The following ADAMTS6 variants were observed in gnomAD, a reference collection of about 807,000 sequenced individuals.
ADAMTS6 encodes the protein A disintegrin and metalloproteinase with thrombospondin motifs 6.
A neutral mutation model predicts 144.3 loss-of-function variants in ADAMTS6; 23 were observed. The ratio of observed to expected loss-of-function variants is 0.16; its 90% CI spans 0.11 to 0.23. The LOEUF (loss-of-function observed/expected upper bound fraction) is 0.23. Among genes scored for constraint, ADAMTS6 ranks in the 10% least tolerant of loss-of-function variants. The pLI is 1.00. For missense variants in ADAMTS6, 999 were observed against 1,379.6 expected (o/e 0.72, Z 4.37); for synonymous variants, 444 against 457.5 (o/e 0.97, Z 0.38).
chr5:65,479,890 C>A (rs1761086455), intron 1 of ADAMTS6, among the ~76,000 whole-genome samples: 1 of 152,136 alleles, frequency 6.6e-6, no homozygotes, highest in African/African-American at 2.4e-5. Context: ...GCAGCTGTGG[C>A]AAATGAATGA....
chr5:65,269,660 TAGTA>T (rs1561355628), intron 12 of ADAMTS6, among the ~76,000 whole-genome samples: 1 of 152,198 alleles, frequency 6.6e-6, no homozygotes, highest in African/African-American at 2.4e-5. Flanking sequence ...AATTTAGGGC[TAGTA>T]AGTCTTATTT....
At chr5:65,237,062 A>C (rs1260614565) in intron 15 of ADAMTS6, among the ~76,000 whole-genome samples, 1 of 152,062 alleles carries the variant, frequency 6.6e-6, no homozygotes, top group Non-Finnish European at 1.5e-5. Flanking sequence ...ACTGGACCAC[A>C]TGGATATAAC....
chr5:65,294,905 T>G (rs1194865229), intron 10 of ADAMTS6, among the ~76,000 whole-genome samples: 2 of 152,082 alleles, frequency 1.3e-5, no homozygotes, highest in Non-Finnish European at 2.9e-5. Context: ...TTAATAATTT[T>G]ACTGTCTAAT....
rs377162148 is a variant in ADAMTS6, at chr5:65,291,438, G to A, written c.1403C>T (p.Pro468Leu). 6.2e-7 allele frequency: 1 copy of A among 1,613,800 alleles called. No homozygotes were observed. Among genetic ancestry groups the A allele is most frequent in the African/African-American group, 1.3e-5 (1 of 75,010 alleles). The change falls in exon 11 of 25, where the codon CCT becomes CTT. Residue 468 changes from proline (P) to leucine (L), a missense_variant. Physicochemically the swap from Pro to Leu is moderately conservative, Grantham distance 98 (BLOSUM62 -3). This residue lies in a region of ADAMTS6 where 619 missense variants were observed against 837.0 expected (regional missense o/e 0.74). Coordinates refer to ENST00000381055, the MANE Select transcript of ADAMTS6 (RefSeq NM_197941.4). ...SGRGTCLDNE[P>L]PKRDFLYPAV... ...TGGATAAAGAAAGTCACGCTTGGGA[G>A]GCTCATTATCAAGGCAAGTACCACG...
intron 7 of ADAMTS6, among the ~76,000 whole-genome samples, chr5:65,429,656 G>A (rs1756841817): frequency 6.6e-6 from 1 of 151,990 alleles, no homozygotes; most frequent in Non-Finnish European, 1.5e-5. Context: ...ATATGATATT[G>A]TTTACCATCA....
intron 7 of ADAMTS6, among the ~76,000 whole-genome samples, chr5:65,350,930 G>C (rs1182958456): frequency 6.6e-6 from 1 of 152,150 alleles, no homozygotes; most frequent in Non-Finnish European, 1.5e-5. Context: ...TTACAAGTGT[G>C]AGCCACTGAA....
At chr5:65,388,534 G>C (rs1752658593) in intron 7 of ADAMTS6, among the ~76,000 whole-genome samples, 1 of 152,166 alleles carries the variant, frequency 6.6e-6, no homozygotes, top group Non-Finnish European at 1.5e-5. Flanking sequence ...TGCGTGACCT[G>C]ATGCAAGTTA....
intron 7 of ADAMTS6, among the ~76,000 whole-genome samples, chr5:65,376,094 C>T (rs911647515): frequency 2.0e-5 from 3 of 151,144 alleles, no homozygotes; most frequent in Admixed American, 1.3e-4. Context: ...GGGAACATCA[C>T]ACTCTGGGGC....
At chr5:65,205,340 G>C (rs1366500833) in intron 20 of ADAMTS6, among the ~76,000 whole-genome samples, 1 of 152,128 alleles carries the variant, frequency 6.6e-6, no homozygotes, top group East Asian at 1.9e-4. Context: ...ACCTCTTAGT[G>C]ATATTAAATG....
chr5:65,186,996 A>G (rs1754713416), intron 22 of ADAMTS6, among the ~76,000 whole-genome samples: 1 of 152,242 alleles, frequency 6.6e-6, no homozygotes, highest in Non-Finnish European at 1.5e-5. Flanking sequence ...CCTAAAGAAC[A>G]ACGTTTAATA....
intron 21 of ADAMTS6, among the ~76,000 whole-genome samples, chr5:65,193,140 T>C (rs1755118013): frequency 6.6e-6 from 1 of 151,886 alleles, no homozygotes; most frequent in Non-Finnish European, 1.5e-5. Flanking sequence ...AAAGAAACTT[T>C]GAAAGTATAA....
chr5:65,334,235 C>T, intron 7 of ADAMTS6, 150 bp from the exon 8 acceptor site: 2 of 813,636 alleles, frequency 2.5e-6, no homozygotes, highest in Non-Finnish European at 3.6e-6. Context: ...CAGCACTCTA[C>T]AGTGCTGAGG....
intron 9 of ADAMTS6, among the ~76,000 whole-genome samples, chr5:65,303,620 C>G (rs1447349934): frequency 6.6e-6 from 1 of 151,454 alleles, no homozygotes; most frequent in East Asian, 1.9e-4. Context: ...ATATATAATA[C>G]AGTATATAAT....
intron 7 of ADAMTS6, among the ~76,000 whole-genome samples, chr5:65,427,797 CA>C (rs777288291): frequency 0.046 from 4,020 of 87,304 alleles, 141 homozygotes; most frequent in African/African-American, 0.17. Flanking sequence ...GACTCGGTCT[CA>C]AAAAAAAAAA....
intron 11 of ADAMTS6, among the ~76,000 whole-genome samples, chr5:65,276,013 G>A (rs1762503277): frequency 6.9e-6 from 1 of 144,804 alleles, no homozygotes; most frequent in Non-Finnish European, 1.6e-5. Context: ...ACAAAACTAA[G>A]CGATGAAAGT....
chr5:65,226,426 T>C (rs1757731006), intron 15 of ADAMTS6, among the ~76,000 whole-genome samples: 1 of 152,018 alleles, frequency 6.6e-6, no homozygotes, highest in Non-Finnish European at 1.5e-5. Flanking sequence ...TCAGCAGTTT[T>C]CAGGTTTAAA....
intron 24 of ADAMTS6, among the ~76,000 whole-genome samples, chr5:65,170,147 T>C (rs2112067490): frequency 6.6e-6 from 1 of 152,340 alleles, no homozygotes; most frequent in East Asian, 1.9e-4. Flanking sequence ...TTTTCTACGA[T>C]AAGAAAATTA....
At chr5:65,309,945 C>T (rs1744327940) in intron 9 of ADAMTS6, among the ~76,000 whole-genome samples, 1 of 151,898 alleles carries the variant, frequency 6.6e-6, no homozygotes, top group Non-Finnish European at 1.5e-5. Context: ...GATCTGTGTC[C>T]CTGCTCAGAT....
chr5:65,395,417 T>A (rs1359782466), intron 7 of ADAMTS6, among the ~76,000 whole-genome samples: 1 of 152,246 alleles, frequency 6.6e-6, no homozygotes, highest in East Asian at 1.9e-4. Context: ...CACAGGAAAT[T>A]TTTTTAACAC....
Sources: gnomAD v4.1 joint callset for allele counts (sites outside exome capture counted in the v4.1 genomes callset) on GRCh38, gnomAD v4.1.1 for gene constraint, gnomAD v4.1.1 regional missense constraint, MANE v1.5 for transcripts, NCBI Gene and HGNC (gene_info 2026-07-23, HGNC 2026-07-21) for gene names.